MARCHF3: variants seen among roughly 807,000 people sequenced by gnomAD.
MARCHF3 encodes the protein E3 ubiquitin-protein ligase MARCHF3.
A neutral mutation model predicts 24.2 loss-of-function variants in MARCHF3; 13 were observed. That is an observed-to-expected ratio of 0.54 (90% confidence interval 0.35 to 0.85). MARCHF3 has a LOEUF of 0.85. Ranked by LOEUF, MARCHF3 falls within the 40% of genes least tolerant of loss-of-function variation. The pLI is 0.01. For synonymous variants in MARCHF3, 144 were observed against 137.3 expected (o/e 1.05, Z -0.34); for missense variants, 276 against 325.0 (o/e 0.85, Z 1.16).
intron 1 of MARCHF3, among the ~76,000 whole-genome samples, chr5:126,933,743 C>T (rs1025173088): frequency 6.6e-6 from 1 of 152,138 alleles, no homozygotes; most frequent in Non-Finnish European, 1.5e-5. Context: ...TGCACCCAGC[C>T]TCTCTTTGGT....
chr5:127,000,455 C>A (rs1344128387), intron 1 of MARCHF3, among the ~76,000 whole-genome samples: 1 of 152,046 alleles, frequency 6.6e-6, no homozygotes, highest in Non-Finnish European at 1.5e-5. Flanking sequence ...TCCCTTACAC[C>A]CCCAGATAAA....
intron 3 of MARCHF3, among the ~76,000 whole-genome samples, chr5:126,899,579 A>G (rs1754036769): frequency 6.6e-6 from 1 of 152,146 alleles, no homozygotes; most frequent in Non-Finnish European, 1.5e-5. Flanking sequence ...TGAGAAGAAA[A>G]AAAGAAAGGC....
At chr5:126,958,827 A>G (rs978103756) in intron 1 of MARCHF3, among the ~76,000 whole-genome samples, 44 of 152,336 alleles carry the variant, frequency 2.9e-4, no homozygotes, top group Middle Eastern at 3.4e-3. Flanking sequence ...TGATGGGGCT[A>G]TTTTAAAGCA....
chr5:126,996,236 A>G (rs896966672), intron 1 of MARCHF3, among the ~76,000 whole-genome samples: 2 of 152,202 alleles, frequency 1.3e-5, no homozygotes, highest in African/African-American at 4.8e-5. Context: ...TATAGAGGAA[A>G]GAGCAGGAGA....
At chr5:127,028,710 A>AT (rs148592007) in intron 1 of MARCHF3, among the ~76,000 whole-genome samples, 3,096 of 151,364 alleles carry the variant, frequency 0.02, 76 homozygotes, top group South Asian at 0.12. Flanking sequence ...TTCTGGAGGG[A>AT]TTTTTTTTTC....
intron 1 of MARCHF3, among the ~76,000 whole-genome samples, chr5:126,918,994 A>C (rs1395681414): frequency 6.6e-6 from 1 of 152,252 alleles, no homozygotes; most frequent in Non-Finnish European, 1.5e-5. Flanking sequence ...TAAAATGCAG[A>C]TGTATATGCA....
At chr5:127,002,536 C>A (rs1752162759) in intron 1 of MARCHF3, among the ~76,000 whole-genome samples, 1 of 152,122 alleles carries the variant, frequency 6.6e-6, no homozygotes, top group Admixed American at 6.5e-5. Context: ...TTTCACCAGC[C>A]CCAAACTGGA....
chr5:126,900,514 CACTAGAACCCA>C (rs568518744), intron 3 of MARCHF3, among the ~76,000 whole-genome samples: 76 of 152,132 alleles, frequency 5.0e-4, no homozygotes, highest in Admixed American at 1.9e-3. Flanking sequence ...GGAGGACCCT[CACTAGAACCCA>C]ACTATGTCGG....
intron 3 of MARCHF3, among the ~76,000 whole-genome samples, chr5:126,896,641 A>G (rs1215509716): frequency 6.6e-6 from 1 of 152,068 alleles, no homozygotes; most frequent in Non-Finnish European, 1.5e-5. Context: ...AGACTAACAA[A>G]TCATATCTAC....
intron 3 of MARCHF3, 40 bp downstream of exon 3, chr5:126,914,890 C>A: frequency 1.2e-6 from 2 of 1,605,444 alleles, no homozygotes; most frequent in South Asian, 2.2e-5. Flanking sequence ...ATCATTTGCT[C>A]ATTAGAGCTA....
At chr5:127,001,892 T>C (rs1752136035) in intron 1 of MARCHF3, among the ~76,000 whole-genome samples, 1 of 152,218 alleles carries the variant, frequency 6.6e-6, no homozygotes, top group Admixed American at 6.5e-5. Context: ...GTAATGTCAG[T>C]GATCTCATGG....
At chr5:126,887,683 C>T (rs1012821050) in intron 3 of MARCHF3, among the ~76,000 whole-genome samples, 1 of 152,216 alleles carries the variant, frequency 6.6e-6, no homozygotes, top group Non-Finnish European at 1.5e-5. Context: ...GCAATGCTCT[C>T]CTGCAGTGTT....
intron 1 of MARCHF3, among the ~76,000 whole-genome samples, chr5:127,008,527 C>T (rs550878700): frequency 6.6e-6 from 1 of 152,272 alleles, no homozygotes; most frequent in East Asian, 1.9e-4. Flanking sequence ...CATTTGGAAG[C>T]CTTAACAGCT....
chr5:126,961,039 T>C (rs1264824587), intron 1 of MARCHF3, among the ~76,000 whole-genome samples: 1 of 152,170 alleles, frequency 6.6e-6, no homozygotes, highest in Non-Finnish European at 1.5e-5. Context: ...ATTTATATTA[T>C]ACAAATGCAG....
intron 3 of MARCHF3, among the ~76,000 whole-genome samples, chr5:126,892,546 T>C (rs1268590060): frequency 6.7e-6 from 1 of 149,266 alleles, no homozygotes; most frequent in East Asian, 2.0e-4. Flanking sequence ...ATTGAGATAC[T>C]CATGTGGTTT....
At chr5:126,973,348 A>G (rs1480687987) in intron 1 of MARCHF3, among the ~76,000 whole-genome samples, 1 of 152,240 alleles carries the variant, frequency 6.6e-6, no homozygotes, top group Non-Finnish European at 1.5e-5. Context: ...CTAACCCAGT[A>G]AACACATTCT....
chr5:126,995,112 T>C (rs1751907072), intron 1 of MARCHF3, among the ~76,000 whole-genome samples: 1 of 152,202 alleles, frequency 6.6e-6, no homozygotes. Context: ...TGAATCTCCT[T>C]TGGTAACACC....
intron 3 of MARCHF3, among the ~76,000 whole-genome samples, chr5:126,913,976 C>CTTTTTTTTTT (rs1169856446): frequency 9.3e-6 from 1 of 107,904 alleles, no homozygotes; most frequent in Non-Finnish European, 1.8e-5. Flanking sequence ...CAATATCCAA[C>CTTTTTTTTTT]TTTTTTTTTT....
chr5:127,006,075 C>T (rs1395369028), intron 1 of MARCHF3, among the ~76,000 whole-genome samples: 1 of 151,666 alleles, frequency 6.6e-6, no homozygotes. Context: ...TGGTGGCATG[C>T]ACTTGTAATC....
Sources: allele counts gnomAD v4.1 joint callset (sites outside exome capture counted in the v4.1 genomes callset), GRCh38; gene constraint gnomAD v4.1.1; transcripts MANE v1.5; gene names NCBI Gene and HGNC (gene_info 2026-07-23, HGNC 2026-07-21).